NEK10: variants seen among roughly 807,000 people sequenced by gnomAD.
The protein encoded by NEK10 is serine/threonine-protein kinase Nek10.
Under a neutral mutation model 159.8 loss-of-function variants are expected in NEK10, and 122 were observed. The observed-to-expected ratio is 0.76, with a 90% confidence interval of 0.66 to 0.89. The LOEUF is 0.89. Among genes scored for constraint, NEK10 ranks in the 40% least tolerant of loss-of-function variants. The pLI is 0.00. For missense variants in NEK10, 1,342 were observed against 1,323.1 expected, an observed-to-expected ratio of 1.01 and a Z score of -0.22; for synonymous variants, 466 against 457.1, an observed-to-expected ratio of 1.02 and a Z score of -0.25.
At chr3:27,210,730 C>T (rs924991828) in intron 23 of NEK10, among the ~76,000 whole-genome samples, 2 of 152,300 alleles carry the variant, frequency 1.3e-5, no homozygotes, top group East Asian at 3.9e-4. Flanking sequence ...ATCAATCTGT[C>T]TATTATGCAT....
At chr3:27,339,171 CAGA>C (rs1001242353) in intron 5 of NEK10, among the ~76,000 whole-genome samples, 14 of 152,170 alleles carry the variant, frequency 9.2e-5, no homozygotes, top group African/African-American at 3.4e-4. Flanking sequence ...CTTTGCTGTG[CAGA>C]AGCTCTTTAG....
chr3:27,126,829 C>A (rs1224422567), intron 32 of NEK10, among the ~76,000 whole-genome samples: 3 of 151,960 alleles, frequency 2.0e-5, no homozygotes, highest in African/African-American at 4.8e-5. Context: ...TGTCTTAGTG[C>A]AAATTAGAAA....
chr3:27,229,642 A>C (rs1473680960), intron 23 of NEK10, among the ~76,000 whole-genome samples: 1 of 152,166 alleles, frequency 6.6e-6, no homozygotes, highest in Non-Finnish European at 1.5e-5. Flanking sequence ...ATGAATAAAA[A>C]ATTTTCCGGA....
chr3:27,136,247 G>C (rs1227219581), intron 31 of NEK10, among the ~76,000 whole-genome samples: 1 of 151,248 alleles, frequency 6.6e-6, no homozygotes, highest in Non-Finnish European at 1.5e-5. Context: ...CGAGTAGCTG[G>C]GACTACAGGC....
intron 23 of NEK10, among the ~76,000 whole-genome samples, chr3:27,226,139 C>G (rs1335910584): frequency 1.3e-5 from 2 of 151,874 alleles, no homozygotes; most frequent in Non-Finnish European, 2.9e-5. Context: ...TCACATCATT[C>G]TCCTGCCTCA....
At chr3:27,179,243 A>G (rs905168734) in intron 26 of NEK10, among the ~76,000 whole-genome samples, 4 of 152,184 alleles carry the variant, frequency 2.6e-5, no homozygotes, top group Non-Finnish European at 5.9e-5. Flanking sequence ...TAATAAAGAA[A>G]ATATTCTCTT....
At chr3:27,177,286 G>A (rs1947602101) in intron 26 of NEK10, among the ~76,000 whole-genome samples, 1 of 152,140 alleles carries the variant, frequency 6.6e-6, no homozygotes, top group Admixed American at 6.5e-5. Context: ...GCTCACTCCT[G>A]CAATTCCAGC....
At chr3:27,322,941 A>C (rs1479939640) in intron 5 of NEK10, among the ~76,000 whole-genome samples, 1 of 152,126 alleles carries the variant, frequency 6.6e-6, no homozygotes, top group African/African-American at 2.4e-5. Context: ...TTTGTTTTTT[A>C]GAAAATTGAA....
At chr3:27,258,975 A>G (rs138446334) in intron 22 of NEK10, among the ~76,000 whole-genome samples, 6,196 of 152,172 alleles carry the variant, frequency 0.041, 178 homozygotes, top group African/African-American at 0.073. Flanking sequence ...GCCAGTGATG[A>G]TGAGCATTTT....
chr3:27,348,604 TC>T (rs1382211960), intron 3 of NEK10, among the ~76,000 whole-genome samples: 1 of 152,178 alleles, frequency 6.6e-6, no homozygotes, highest in Non-Finnish European at 1.5e-5. Context: ...AGCCTGTTAC[TC>T]CTGATCTTGG....
chr3:27,172,193 G>T (rs1947056607), intron 28 of NEK10, among the ~76,000 whole-genome samples: 2 of 151,854 alleles, frequency 1.3e-5, no homozygotes, highest in South Asian at 4.1e-4. Context: ...AAATTAGCTG[G>T]GTGTGGTGGA....
chr3:27,270,190 G>A (rs1035730869), intron 22 of NEK10, among the ~76,000 whole-genome samples: 11 of 152,130 alleles, frequency 7.2e-5, no homozygotes, highest in Admixed American at 3.9e-4. Flanking sequence ...CTTGCTCACT[G>A]ACTCTCTCTC....
intron 25 of NEK10, among the ~76,000 whole-genome samples, chr3:27,200,766 G>T (rs987112793): frequency 1.3e-5 from 2 of 152,172 alleles, no homozygotes; most frequent in African/African-American, 4.8e-5. Flanking sequence ...GGCCATCAGG[G>T]TGGGGAACAT....
chr3:27,312,286 T>G (rs960791496), intron 7 of NEK10, 109 bp from the exon 8 acceptor site: 29 of 566,938 alleles, frequency 5.1e-5, no homozygotes, highest in African/African-American at 4.2e-4. Flanking sequence ...GCAAAACAGA[T>G]TCATCAAATA....
chr3:27,270,546 G>T (rs11914756), intron 22 of NEK10, among the ~76,000 whole-genome samples: 53,101 of 151,902 alleles, frequency 0.35, 9,660 homozygotes, highest in African/African-American at 0.44. Context: ...TCTGGGGAAT[G>T]TGTTACCCAG....
chr3:27,204,295 G>GTTTTTTTTTTTTTTTTTTTTTT, intron 23 of NEK10, among the ~76,000 whole-genome samples: 1 of 73,978 alleles, frequency 1.4e-5, no homozygotes, highest in Middle Eastern at 0.011. Flanking sequence ...TTTTTTTTTT[G>GTTTTTTTTTTTTTTTTTTTTTT]TTGTTGTTTT....
chr3:27,322,152 A>AT (rs1385529975), intron 6 of NEK10, 25 bp downstream of exon 6: 12 of 1,311,254 alleles, frequency 9.2e-6, no homozygotes, highest in Non-Finnish European at 1.3e-5. Context: ...CAAGTAAAAA[A>AT]AAAAATTGTA....
intron 30 of NEK10, among the ~76,000 whole-genome samples, chr3:27,144,151 A>G (rs550907746): frequency 2.7e-4 from 41 of 152,192 alleles, no homozygotes; most frequent in African/African-American, 9.9e-4. Flanking sequence ...CTTCCTTTGT[A>G]AACAAATGGT....
chr3:27,149,143 T>C (rs184727928), intron 30 of NEK10, among the ~76,000 whole-genome samples: 7 of 151,622 alleles, frequency 4.6e-5, no homozygotes, highest in African/African-American at 9.6e-5. Context: ...AAAAGTCTAA[T>C]ACAAAAAAAT....
Sources: allele counts gnomAD v4.1 joint callset (sites outside exome capture counted in the v4.1 genomes callset), GRCh38; gene constraint gnomAD v4.1.1; transcripts MANE v1.5; gene names NCBI Gene and HGNC (gene_info 2026-07-23, HGNC 2026-07-21).